ADK: variants seen among roughly 807,000 people sequenced by gnomAD.
The protein encoded by ADK is N6,N6-dimethyladenosine kinase.
Under a neutral mutation model 44.7 loss-of-function variants are expected in ADK, and 24 were observed. That is an observed-to-expected ratio of 0.54 (90% CI 0.39 to 0.76). The LOEUF (loss-of-function observed/expected upper bound fraction) is 0.76. Ranked by LOEUF, ADK falls within the 30% of genes least tolerant of loss-of-function variation. The pLI is 0.00. For synonymous variants in ADK, 128 were observed against 142.6 expected, an observed-to-expected ratio of 0.90 and a Z score of 0.73; for missense variants, 321 against 425.1, an observed-to-expected ratio of 0.76 and a Z score of 2.15.
At chr10:74,366,608 CA>C (rs954744864) in intron 4 of ADK, among the ~76,000 whole-genome samples, 47 of 150,498 alleles carry the variant, frequency 3.1e-4, no homozygotes, top group African/African-American at 8.8e-4. Context: ...CATAGAGAAC[CA>C]AAAAAAAATT....
chr10:74,195,896 T>C (rs1365861790), intron 1 of ADK, among the ~76,000 whole-genome samples: 2 of 151,612 alleles, frequency 1.3e-5, no homozygotes, highest in East Asian at 3.9e-4. Flanking sequence ...AGGCTGGTCT[T>C]GAACTCCTGT....
At chr10:74,544,616 C>T (rs1047675579) in intron 7 of ADK, among the ~76,000 whole-genome samples, 1 of 152,136 alleles carries the variant, frequency 6.6e-6, no homozygotes, top group Non-Finnish European at 1.5e-5. Context: ...GTGGCTCACA[C>T]TTGTAATCCC....
At chr10:74,432,678 AG>A (rs565260617) in intron 6 of ADK, among the ~76,000 whole-genome samples, 38 of 152,266 alleles carry the variant, frequency 2.5e-4, no homozygotes, top group African/African-American at 9.1e-4. Flanking sequence ...CTATTCTATG[AG>A]TCTCTTCAAG....
intron 2 of ADK, among the ~76,000 whole-genome samples, chr10:74,219,737 A>C (rs1458112281): frequency 2.1e-4 from 31 of 151,180 alleles, no homozygotes; most frequent in South Asian, 1.1e-3. Flanking sequence ...GCTCAACTAC[A>C]TGGAAACTGA....
chr10:74,280,731 C>G (rs1454316677), intron 3 of ADK, among the ~76,000 whole-genome samples: 1 of 152,174 alleles, frequency 6.6e-6, no homozygotes, highest in African/African-American at 2.4e-5. Flanking sequence ...GCACCTCACT[C>G]TGCTTTCCAC....
At chr10:74,383,199 A>G (rs1011540202) in intron 4 of ADK, among the ~76,000 whole-genome samples, 10 of 152,150 alleles carry the variant, frequency 6.6e-5, no homozygotes, top group Admixed American at 5.2e-4. Flanking sequence ...CTGAACCTTT[A>G]ACCTGTATTA....
At chr10:74,466,959 G>C (rs1031007910) in intron 6 of ADK, among the ~76,000 whole-genome samples, 2 of 152,180 alleles carry the variant, frequency 1.3e-5, no homozygotes, top group African/African-American at 4.8e-5. Flanking sequence ...AGAACAGCAT[G>C]ATGATAAATT....
At chr10:74,151,814 T>G (rs1452263892) in intron 1 of ADK, among the ~76,000 whole-genome samples, 3 of 152,208 alleles carry the variant, frequency 2.0e-5, no homozygotes, top group African/African-American at 7.2e-5. Flanking sequence ...TCGTGCACAT[T>G]CTGAAAGCCC....
At chr10:74,172,754 G>A (rs1446622195) in intron 1 of ADK, among the ~76,000 whole-genome samples, 6 of 149,142 alleles carry the variant, frequency 4.0e-5, no homozygotes, top group Non-Finnish European at 8.9e-5. Flanking sequence ...TGGCCAACAT[G>A]GTGAAACCCC....
intron 3 of ADK, among the ~76,000 whole-genome samples, chr10:74,270,435 T>G (rs1357845965): frequency 2.0e-5 from 3 of 152,224 alleles, no homozygotes; most frequent in Admixed American, 2.0e-4. Flanking sequence ...CAGCTGGATT[T>G]TCATCTGCTT....
At chr10:74,338,214 G>C (rs1037013117) in intron 4 of ADK, among the ~76,000 whole-genome samples, 9 of 152,146 alleles carry the variant, frequency 5.9e-5, no homozygotes, top group Non-Finnish European at 1.3e-4. Context: ...TTAGCCATTA[G>C]AGAAGTGCAA....
At chr10:74,249,912 A>G (rs1381706036) in intron 3 of ADK, among the ~76,000 whole-genome samples, 2 of 152,234 alleles carry the variant, frequency 1.3e-5, no homozygotes, top group African/African-American at 2.4e-5. Flanking sequence ...AGTGCCAGAC[A>G]GTAATTTTCC....
intron 2 of ADK, among the ~76,000 whole-genome samples, chr10:74,205,699 A>G (rs1843569929): frequency 6.6e-6 from 1 of 151,294 alleles, no homozygotes; most frequent in Admixed American, 6.6e-5. Context: ...AAAAAAAGAA[A>G]TGTAATTAGA....
At chr10:74,387,285 T>C (rs1461200606) in intron 4 of ADK, among the ~76,000 whole-genome samples, 1 of 152,186 alleles carries the variant, frequency 6.6e-6, no homozygotes, top group Non-Finnish European at 1.5e-5. Context: ...GGTGGCATTA[T>C]ACTGTGCGAA....
chr10:74,614,818 G>A (rs1852689457), intron 9 of ADK, among the ~76,000 whole-genome samples: 1 of 152,124 alleles, frequency 6.6e-6, no homozygotes, highest in Non-Finnish European at 1.5e-5. Context: ...CTGTAACTGT[G>A]CTCTAGATAT....
intron 3 of ADK, among the ~76,000 whole-genome samples, chr10:74,270,355 C>A (rs937220466): frequency 6.6e-6 from 1 of 152,142 alleles, no homozygotes; most frequent in Non-Finnish European, 1.5e-5. Context: ...ATTTTCTAAA[C>A]CAGAAAAAAA....
intron 3 of ADK, among the ~76,000 whole-genome samples, chr10:74,238,048 T>G (rs184365845): frequency 3.0e-3 from 456 of 152,118 alleles, no homozygotes; most frequent in Non-Finnish European, 4.6e-3. Flanking sequence ...GAGCCAAGAT[T>G]GCACCATTGC....
At chr10:74,650,739 G>A (rs554839308) in intron 9 of ADK, among the ~76,000 whole-genome samples, 10 of 152,270 alleles carry the variant, frequency 6.6e-5, no homozygotes, top group African/African-American at 2.2e-4. Flanking sequence ...TACTGACAGC[G>A]ATATCATGCC....
At chr10:74,480,800 C>T (rs1244533518) in intron 6 of ADK, among the ~76,000 whole-genome samples, 1 of 152,148 alleles carries the variant, frequency 6.6e-6, no homozygotes, top group African/African-American at 2.4e-5. Context: ...ATGCCTTGCA[C>T]ATGCTTTTAC....
Sources: gnomAD v4.1 joint callset for allele counts (sites outside exome capture counted in the v4.1 genomes callset) on GRCh38, gnomAD v4.1.1 for gene constraint, MANE v1.5 for transcripts, NCBI Gene and HGNC (gene_info 2026-07-23, HGNC 2026-07-21) for gene names.